PDCD11: variants seen among roughly 807,000 people sequenced by gnomAD.
PDCD11 encodes the protein protein RRP5 homolog.
A neutral mutation model predicts 198.9 loss-of-function variants in PDCD11; 97 were observed. That is an observed-to-expected ratio of 0.49 (90% confidence interval 0.41 to 0.58). The LOEUF (loss-of-function observed/expected upper bound fraction) is 0.58. PDCD11 is among the 20% of genes least tolerant of loss of function. The pLI, the probability that PDCD11 is intolerant of heterozygous loss-of-function variation, is 0.00. For missense variants in PDCD11, 2,102 were observed against 2,312.7 expected, an observed-to-expected ratio of 0.91 and a Z score of 1.87; for synonymous variants, 893 against 918.0, an observed-to-expected ratio of 0.97 and a Z score of 0.49.
rs773202404 is a variant in PDCD11 at position 103,415,034 on chromosome 10, G to A, written c.1401G>A (p.Gly467=). 6.2e-7 allele frequency: 1 copy of A among 1,614,122 alleles called. No homozygotes were observed. ...CAGTGCTAACCATAAAGTCATATGG[G>A]ATGCTGGTGAAGGTGGGCGAGCAGA... ...KGTVLTIKSY[G]MLVKVGEQMR... The change falls in exon 12 of 36, where the codon GGG becomes GGA. Residue 467 remains glycine (G), a synonymous_variant. Transcript: ENST00000369797.
At chr10:103,438,649 G>A (rs776306587) in intron 26 of PDCD11, 37 bp from the exon 27 acceptor site, 5 of 1,613,660 alleles carry the variant, frequency 3.1e-6, no homozygotes, top group Non-Finnish European at 4.2e-6. Context: ...GGACAGTGGA[G>A]GTTAAAGGTG....
intron 27 of PDCD11, 88 bp from the exon 28 acceptor site, chr10:103,439,658 G>C: frequency 6.8e-7 from 1 of 1,468,962 alleles, no homozygotes; most frequent in Admixed American, 1.7e-5. Flanking sequence ...GTCACAACTT[G>C]AGTCCCTGTG....
At chr10:103,438,663 A>C (rs745644108) in intron 26 of PDCD11, 23 bp from the exon 27 acceptor site, 79 of 1,613,996 alleles carry the variant, frequency 4.9e-5, no homozygotes, top group Non-Finnish European at 6.7e-5. Context: ...AAAGGTGTGC[A>C]TGTAAGCCTT....
chr10:103,413,895 A>G (rs2030946546), intron 9 of PDCD11, 71 bp from the exon 10 acceptor site: 1 of 1,445,834 alleles, frequency 6.9e-7, no homozygotes, highest in Non-Finnish European at 9.3e-7. Flanking sequence ...AGTCCTCTCT[A>G]TGGGCTGTAA....
intron 30 of PDCD11, 36 bp from the exon 31 acceptor site, chr10:103,441,790 C>T (rs1361080097): frequency 4.4e-6 from 7 of 1,599,688 alleles, no homozygotes; most frequent in South Asian, 2.2e-5. Flanking sequence ...GCAGCCTGAG[C>T]CAGGTGCTTT....
chr10:103,405,230 C>T (rs961279957), intron 5 of PDCD11, 47 bp downstream of exon 5: 1 of 1,597,996 alleles, frequency 6.3e-7, no homozygotes, highest in Non-Finnish European at 8.6e-7. Context: ...TGCCTTCTCT[C>T]TGCCTCTGAG....
chr10:103,422,775 A>G (rs551350676), intron 17 of PDCD11, among the ~76,000 whole-genome samples: 1 of 152,154 alleles, frequency 6.6e-6, no homozygotes, highest in Non-Finnish European at 1.5e-5. Flanking sequence ...CCCATGAATT[A>G]TGGTCAGGTA....
chr10:103,427,542 G>T, intron 21 of PDCD11, 151 bp downstream of exon 21: 2 of 631,726 alleles, frequency 3.2e-6, no homozygotes, highest in East Asian at 2.9e-5. Context: ...GGGGATATTT[G>T]GTTCTCCTAG....
At chr10:103,439,621 A>G (rs1254822459) in intron 27 of PDCD11, 125 bp from the exon 28 acceptor site, 4 of 1,064,386 alleles carry the variant, frequency 3.8e-6, no homozygotes, top group East Asian at 2.4e-5. Flanking sequence ...GCTGAATGCC[A>G]GGAACTTATG....
chr10:103,413,664 G>A (rs1199598974), intron 9 of PDCD11, among the ~76,000 whole-genome samples: 1 of 152,148 alleles, frequency 6.6e-6, no homozygotes, highest in Non-Finnish European at 1.5e-5. Flanking sequence ...TGCTGTTATG[G>A]CATGAAAGCA....
intron 8 of PDCD11, among the ~76,000 whole-genome samples, chr10:103,410,813 C>T (rs1177686104): frequency 2.0e-5 from 3 of 151,532 alleles, no homozygotes; most frequent in African/African-American, 4.8e-5. Flanking sequence ...TGGTGGCTCA[C>T]GCCTATAATC....
intron 25 of PDCD11, among the ~76,000 whole-genome samples, chr10:103,437,074 C>T (rs191700321): frequency 3.3e-5 from 5 of 152,336 alleles, no homozygotes; most frequent in African/African-American, 1.2e-4. Flanking sequence ...GGATCTAACA[C>T]AGAGCTGGTT....
chr10:103,397,622 CG>C (rs2093443954), intron 1 of PDCD11, among the ~76,000 whole-genome samples: 2 of 152,188 alleles, frequency 1.3e-5, no homozygotes, highest in Non-Finnish European at 2.9e-5. Flanking sequence ...TTGGTAGAGA[CG>C]GGGTTTCGCC....
Position 103,400,516 on chromosome 10 carries a change from C to T in PDCD11, c.222C>T (p.Ile74=). 1 of 1,613,582 alleles carries T rather than the reference C, an allele frequency of 6.2e-7. No homozygotes were observed. Among genetic ancestry groups the T allele is most frequent in the South Asian group, 1.1e-5 (1 of 90,938 alleles). Residue 74 remains isoleucine, a synonymous_variant, in exon 3 of 36, where the codon ATC becomes ATT. Coordinates refer to ENST00000369797, the MANE Select transcript of PDCD11 (RefSeq NM_014976.2). The stretch of plus-strand genomic sequence containing the variant: ...AGTCCGCAAGAGAGAAGTTTGAAAT[C>T]CTTAGTGTTGAGGTTTGTTAAAGTT... The part of the protein sequence containing the change: ...SSKSAREKFE[I]LSVESLCEGM...
intron 14 of PDCD11, among the ~76,000 whole-genome samples, chr10:103,418,233 G>A (rs2031224028): frequency 6.6e-6 from 1 of 152,174 alleles, no homozygotes; most frequent in Non-Finnish European, 1.5e-5. Flanking sequence ...CTTGAGAGAG[G>A]AGTGCGATGG....
chr10:103,437,671 G>A (rs1274640891), intron 25 of PDCD11, among the ~76,000 whole-genome samples: 1 of 151,984 alleles, frequency 6.6e-6, no homozygotes, highest in Admixed American at 6.6e-5. Context: ...TGTATTTTTA[G>A]TAGAGATGGG....
intron 21 of PDCD11, among the ~76,000 whole-genome samples, chr10:103,430,409 A>G (rs764161259): frequency 4.6e-5 from 7 of 152,248 alleles, no homozygotes; most frequent in Non-Finnish European, 1.0e-4. Context: ...TATTGTGAAT[A>G]GTGCTGCATT....
chr10:103,438,076 G>T lies in PDCD11; in HGVS notation c.3902+5G>T. 1 of 1,612,832 alleles carries T rather than the reference G, an allele frequency of 6.2e-7. No homozygotes were observed. The highest frequency in any genetic ancestry group is 8.5e-7 in the Non-Finnish European group (1 of 1,178,872). ...TTTGTCGCTGCGATCATCCAGGTGG[G>T]TTTCTGTGTTGTTGGAAAAAGAAAG... On this transcript the variant is annotated splice_donor_5th_base_variant and intron_variant, in intron 26 of 35. Coordinates refer to ENST00000369797, the MANE Select transcript of PDCD11 (RefSeq NM_014976.2).
intron 8 of PDCD11, among the ~76,000 whole-genome samples, chr10:103,412,909 T>C (rs1031889580): frequency 3.9e-5 from 6 of 152,214 alleles, no homozygotes; most frequent in African/African-American, 1.4e-4. Context: ...TGAGTAAGCT[T>C]TGATTTAGTC....
Sources: allele counts gnomAD v4.1 joint callset (sites outside exome capture counted in the v4.1 genomes callset), GRCh38; gene constraint gnomAD v4.1.1; transcripts MANE v1.5; gene names NCBI Gene and HGNC (gene_info 2026-07-23, HGNC 2026-07-21).